Variants in RAB3GAP2 observed in about 807,000 individuals in gnomAD.
RAB3GAP2 encodes the protein rab3 GTPase-activating protein non-catalytic subunit.
In RAB3GAP2, 87 loss-of-function variants were observed where a neutral mutation model predicts 185.3. The ratio of observed to expected loss-of-function variants is 0.47; its 90% CI spans 0.39 to 0.56. The LOEUF is 0.56. Among genes scored for constraint, RAB3GAP2 ranks in the 20% least tolerant of loss-of-function variants. The probability of loss-of-function intolerance (pLI) is 0.00; values close to 1 mark genes in which losing one functional copy is unlikely to be tolerated. For synonymous variants in RAB3GAP2, 554 were observed against 576.1 expected (o/e 0.96, Z 0.55); for missense variants, 1,492 against 1,638.2 (o/e 0.91, Z 1.54).
rs749329123 is a variant in RAB3GAP2 at position 220,191,204 on chromosome 1, G to C, written c.1351C>G (p.Pro451Ala). The part of the protein sequence containing the change: ...ERVPEKADFS[P>A]FGNSQGPSRV... ...CTTGGACCCTGAGAATTTCCAAAGG[G>C]GGAAAAATCTGCCTTTTCTGGCACT... Residue 451 changes from proline to alanine, a missense_variant, in exon 14 of 35, where the codon CCC becomes GCC. Pro to Ala is a conservative substitution (Grantham distance 27, BLOSUM62 -1). This residue lies in a region of RAB3GAP2 where 681 missense variants were observed against 689.1 expected (regional missense o/e 0.99). Coordinates refer to ENST00000358951, the MANE Select transcript of RAB3GAP2 (RefSeq NM_012414.4). 1 of 1,613,864 alleles carries C rather than the reference G, an allele frequency of 6.2e-7. No individual in the cohort carries two copies. The highest frequency in any genetic ancestry group is 1.1e-5 in the South Asian group (1 of 91,082).
At chr1:220,235,935 G>A (rs897305218) in intron 1 of RAB3GAP2, among the ~76,000 whole-genome samples, 2 of 152,154 alleles carry the variant, frequency 1.3e-5, no homozygotes, top group African/African-American at 4.8e-5. Flanking sequence ...CAACAAAAAG[G>A]AAAGAGAATT....
chr1:220,225,804 G>C (rs1416708203), intron 2 of RAB3GAP2, among the ~76,000 whole-genome samples: 1 of 152,166 alleles, frequency 6.6e-6, no homozygotes, highest in African/African-American at 2.4e-5. Flanking sequence ...TTCCGCCTCT[G>C]GTCAGTCTGA....
chr1:220,265,651 G>A (rs1660215227), intron 1 of RAB3GAP2, among the ~76,000 whole-genome samples: 1 of 152,086 alleles, frequency 6.6e-6, no homozygotes, highest in African/African-American at 2.4e-5. Flanking sequence ...ATAAACCAGG[G>A]AGAGTGGCTC....
At chr1:220,250,185 C>A (rs1339921991) in intron 1 of RAB3GAP2, among the ~76,000 whole-genome samples, 1 of 152,176 alleles carries the variant, frequency 6.6e-6, no homozygotes, top group Non-Finnish European at 1.5e-5. Flanking sequence ...CTGTACCCTG[C>A]AAAGCCACAG....
chr1:220,211,091 T>A, intron 4 of RAB3GAP2, 89 bp from the exon 5 acceptor site: 2 of 1,291,052 alleles, frequency 1.5e-6, no homozygotes, highest in South Asian at 1.2e-5. Flanking sequence ...GGATAATAAC[T>A]GGAAGATGAC....
chr1:220,189,304 G>A (rs1341674543), intron 17 of RAB3GAP2, among the ~76,000 whole-genome samples: 3 of 151,694 alleles, frequency 2.0e-5, no homozygotes, highest in African/African-American at 4.8e-5. Flanking sequence ...TGCAACCTCC[G>A]CCTCCCAGGT....
intron 2 of RAB3GAP2, among the ~76,000 whole-genome samples, chr1:220,225,359 G>A (rs935244652): frequency 3.9e-5 from 6 of 152,268 alleles, no homozygotes; most frequent in African/African-American, 1.4e-4. Context: ...AGAACAAAAT[G>A]GGGAAAAGGC....
At chr1:220,220,855 C>T (rs1659293085) in intron 2 of RAB3GAP2, among the ~76,000 whole-genome samples, 1 of 152,200 alleles carries the variant, frequency 6.6e-6, no homozygotes, top group Non-Finnish European at 1.5e-5. Context: ...GAGGCCTCCC[C>T]AGCCACGTGG....
intron 1 of RAB3GAP2, among the ~76,000 whole-genome samples, chr1:220,246,086 A>T (rs552731841): frequency 1.3e-5 from 2 of 152,292 alleles, no homozygotes; most frequent in Non-Finnish European, 2.9e-5. Flanking sequence ...CAAGAAAAAA[A>T]CAAACAACCC....
intron 2 of RAB3GAP2, among the ~76,000 whole-genome samples, chr1:220,221,056 T>A (rs1659296441): frequency 6.6e-6 from 1 of 152,212 alleles, no homozygotes; most frequent in Non-Finnish European, 1.5e-5. Context: ...CAGTTTTCAG[T>A]TATTATACCA....
chr1:220,190,357 C>T lies in RAB3GAP2; in HGVS notation c.1631+20G>A. 6.2e-7 allele frequency: 1 copy of T among 1,613,954 alleles called. No homozygotes were observed. ...AAGTTAGCAGAGGAGCGTCAATCAG[C>T]AACACTGGACACACCTTACCTCAGT... On this transcript the variant is annotated intron_variant, in intron 15 of 34. Coordinates refer to ENST00000358951, the MANE Select transcript of RAB3GAP2 (RefSeq NM_012414.4).
Position 220,190,460 on chromosome 1 carries a change from C to T in RAB3GAP2, c.1548G>A (p.Gln516=). 6.2e-7 allele frequency: 1 copy of T among 1,611,102 alleles called. No individual in the cohort carries two copies. Among genetic ancestry groups the T allele is most frequent in the Non-Finnish European group, 8.5e-7 (1 of 1,177,218 alleles). ...CCAGACAGATCTGATAAGTCTGTGGCTGCCAACTCTGACTGGTAACATTAT... is the reference window on the plus strand; with the variant it reads ...CCAGACAGATCTGATAAGTCTGTGGTTGCCAACTCTGACTGGTAACATTAT... ...GLNNVTSQSW[Q]PQTYQICLVD... The change falls in exon 15 of 35, where the codon CAG becomes CAA. Residue 516 remains glutamine (Q), a synonymous_variant. Coordinates refer to ENST00000358951, the MANE Select transcript of RAB3GAP2 (RefSeq NM_012414.4).
chr1:220,193,515 G>A, intron 12 of RAB3GAP2, 136 bp from the exon 13 acceptor site: 2 of 837,044 alleles, frequency 2.4e-6, no homozygotes, highest in Non-Finnish European at 3.7e-6. Context: ...TGGATTAATA[G>A]TTAATTTATT....
Position 220,164,721 on chromosome 1 carries a change from C to G in RAB3GAP2, c.3154+12G>C. 1 of 1,599,418 alleles carries G rather than the reference C, an allele frequency of 6.3e-7. No homozygotes were observed. The highest frequency in any genetic ancestry group is 8.5e-7 in the Non-Finnish European group (1 of 1,170,714). ...GATCAAACAGTGATGTTTCTAACAT[C>G]TGTTTACTTACCATTTTGAACATGT... On this transcript the variant is annotated intron_variant, in intron 27 of 34. Transcript: ENST00000358951.
chr1:220,152,216 C>T (rs1657770194), intron 33 of RAB3GAP2, among the ~76,000 whole-genome samples: 1 of 152,230 alleles, frequency 6.6e-6, no homozygotes, highest in African/African-American at 2.4e-5. Flanking sequence ...GCTGGGATTA[C>T]AGGCACATGC....
rs76707019 is a variant in RAB3GAP2, at chr1:220,225,015, A to G, written c.180+7784T>C. The stretch of plus-strand genomic sequence containing the variant: ...CCCTGGTAGAAGACCAGAGGCCCCA[A>G]TCACCAAACCAAAACTCACTTAACA... On this transcript the variant is annotated intron_variant, in intron 2 of 34. Coordinates refer to ENST00000358951, the MANE Select transcript of RAB3GAP2 (RefSeq NM_012414.4). Among the ~76,000 whole-genome samples, 991 of 152,294 alleles carry G rather than the reference A, an allele frequency of 6.5e-3. 11 individuals are homozygous for G. Among genetic ancestry groups the G allele is most frequent in the African/African-American group, 0.022 (925 of 41,554 alleles).
At chr1:220,235,216 T>C (rs1659569976) in intron 1 of RAB3GAP2, among the ~76,000 whole-genome samples, 1 of 152,210 alleles carries the variant, frequency 6.6e-6, no homozygotes. Flanking sequence ...TCCCTTGATA[T>C]TGCAATTTAG....
intron 1 of RAB3GAP2, chr1:220,266,643 G>A: frequency 1.5e-6 from 2 of 1,373,814 alleles, no homozygotes; most frequent in Non-Finnish European, 2.1e-6. Context: ...AATTTTGGTA[G>A]CATGTTCCTG....
chr1:220,163,749 A>ATATAT (rs1658010782), intron 27 of RAB3GAP2, among the ~76,000 whole-genome samples: 1 of 116,312 alleles, frequency 8.6e-6, no homozygotes, highest in Non-Finnish European at 1.8e-5. Context: ...ACATACATAT[A>ATATAT]TATATATATA....
Sources: allele counts gnomAD v4.1 joint callset (sites outside exome capture counted in the v4.1 genomes callset), GRCh38; gene constraint gnomAD v4.1.1; regional missense constraint gnomAD v4.1.1; transcripts MANE v1.5; gene names NCBI Gene and HGNC (gene_info 2026-07-23, HGNC 2026-07-21).